The following SYNE1 variants were observed in gnomAD, a reference collection of about 807,000 sequenced individuals.
SYNE1 encodes the protein nesprin-1.
SYNE1 carries 616 observed loss-of-function variants against 1,111.0 expected under a neutral mutation model. The observed-to-expected ratio is 0.55, with a 90% confidence interval of 0.52 to 0.59. The LOEUF (loss-of-function observed/expected upper bound fraction) is 0.59, where lower values mean the gene tolerates loss of function less well. SYNE1 is among the 20% of genes least tolerant of loss of function. The probability of loss-of-function intolerance (pLI) is 0.00; values close to 1 mark genes in which losing one functional copy is unlikely to be tolerated. For synonymous variants in SYNE1, 3,855 were observed against 3,825.8 expected (o/e 1.01, Z -0.28); for missense variants, 10,006 against 10,417.0 (o/e 0.96, Z 1.72).
Position 152,358,402 on chromosome 6 carries a change from T to G in SYNE1, c.10579A>C (p.Thr3527Pro), listed in dbSNP as rs2096876039. 1 of 1,614,084 alleles carries G rather than the reference T, an allele frequency of 6.2e-7. No homozygotes were observed. Among genetic ancestry groups the G allele is most frequent in the African/African-American group, 1.3e-5 (1 of 74,926 alleles). ...QYSVLEGDAH[T>P]HETTLRDLQE... is the part of the protein sequence containing the mutation. ...AGATCACGCAATGTTGTCTCATGAGTGTGGGCATCACCTTCAAGAACTGAA... is the reference window on the plus strand; with the variant it reads ...AGATCACGCAATGTTGTCTCATGAGGGTGGGCATCACCTTCAAGAACTGAA... The change falls in exon 66 of 146, where the codon ACT becomes CCT. Residue 3527 changes from threonine to proline, a missense_variant. Thr to Pro is a conservative substitution (Grantham distance 38). This residue lies in a region of SYNE1 where 4,955 missense variants were observed against 5,017.2 expected (regional missense o/e 0.99). Coordinates refer to ENST00000367255, the MANE Select transcript of SYNE1 (RefSeq NM_182961.4).
intron 84 of SYNE1, 129 bp from the exon 85 acceptor site, chr6:152,319,144 C>A: frequency 7.7e-7 from 1 of 1,296,048 alleles, no homozygotes. Context: ...GTCACACCAG[C>A]GATGTGCGAT....
intron 135 of SYNE1, 67 bp downstream of exon 135, chr6:152,151,486 A>G: frequency 1.2e-6 from 2 of 1,600,314 alleles, no homozygotes; most frequent in South Asian, 1.1e-5. Context: ...GTTCTTCACA[A>G]AAGAGCCACA....
In SYNE1 at chr6:152,227,561, G is replaced by A. The variant is rs867809295; in HGVS notation, c.21196-1685C>T. Among the ~76,000 whole-genome samples the A allele has an allele frequency of 2.0e-5, 3 of 152,224 alleles. No individual in the cohort carries two copies. In the East Asian group the frequency reaches 5.8e-4, roughly 29 times the overall value. ...AATATAGTGATTGCTGGGGTTACAG[G>A]TCCTTTGTGTAGTATAGGAAATATA... On this transcript the variant is annotated intron_variant, in intron 115 of 145. Transcript: ENST00000367255.
intron 119 of SYNE1, among the ~76,000 whole-genome samples, chr6:152,219,799 C>T (rs144890964): frequency 1.3e-5 from 2 of 152,288 alleles, no homozygotes; most frequent in Non-Finnish European, 2.9e-5. Context: ...TCTTTGCCTC[C>T]ACTTTCTGTG....
intron 117 of SYNE1, among the ~76,000 whole-genome samples, chr6:152,222,566 T>C (rs1169037535): frequency 6.6e-6 from 1 of 152,252 alleles, no homozygotes; most frequent in East Asian, 1.9e-4. Context: ...TAATTGTATG[T>C]ATTTGTAGGG....
intron 97 of SYNE1, among the ~76,000 whole-genome samples, chr6:152,280,543 C>A (rs1269615786): frequency 6.6e-6 from 1 of 151,968 alleles, no homozygotes; most frequent in Non-Finnish European, 1.5e-5. Flanking sequence ...AGATTGAACA[C>A]CCCTGTCTTA....
Position 152,208,033 on chromosome 6 carries a change from C to T in SYNE1, c.22763G>A (p.Ser7588Asn). The change falls in exon 125 of 146, where the codon AGT becomes AAT. Residue 7588 changes from serine to asparagine, a missense_variant. By Grantham distance (46) the Ser-to-Asn change is conservative (BLOSUM62 1). Transcript: ENST00000367255. Reference protein sequence around the residue: ...WLVEVSYLPMSGLGSVPIPLQ... With the variant: ...WLVEVSYLPMNGLGSVPIPLQ... ...TGGTATAGGAACACTTCCGAGACCA[C>T]TCATGGGGAGGTAGGACACTTCAAC... is the stretch of plus-strand genomic sequence containing the variant. 1 of 1,614,154 alleles carries T rather than the reference C, an allele frequency of 6.2e-7. No individual in the cohort carries two copies. Among genetic ancestry groups the T allele is most frequent in the Non-Finnish European group, 8.5e-7 (1 of 1,180,028 alleles).
At chr6:152,271,422 G>A (rs1197801093) in intron 98 of SYNE1, among the ~76,000 whole-genome samples, 1 of 152,140 alleles carries the variant, frequency 6.6e-6, no homozygotes, top group African/African-American at 2.4e-5. Context: ...AGATGATCCA[G>A]CCAGAGATTG....
In SYNE1 at chr6:152,412,692, C is replaced by T. The variant is rs558328986; in HGVS notation, c.6230+660G>A. Among the ~76,000 whole-genome samples the T allele has an allele frequency of 7.9e-5, 12 of 151,832 alleles. No homozygotes were observed. The South Asian group carries it at 1.5e-3, about 18-fold the overall frequency. The stretch of plus-strand genomic sequence containing the variant: ...AAGTTTGTCAAAACTGATAGCATTG[C>T]GTATGAAAAAAAGTAAATTTTAGTG... On this transcript the variant is annotated intron_variant, in intron 42 of 145. Transcript: ENST00000367255.
intron 41 of SYNE1, 125 bp from the exon 42 acceptor site, chr6:152,413,656 GAAATT>G (rs1392388098): frequency 7.4e-6 from 7 of 951,334 alleles, no homozygotes; most frequent in East Asian, 5.3e-5. Context: ...TTTTAACACA[GAAATT>G]AAATTAATGT....
intron 144 of SYNE1, among the ~76,000 whole-genome samples, chr6:152,131,905 G>A (rs1052908339): frequency 2.0e-5 from 3 of 152,184 alleles, no homozygotes; most frequent in East Asian, 1.9e-4. Context: ...CCAGCCACAC[G>A]TTGAGTCCTG....
chr6:152,528,232 G>A (rs988020138), intron 4 of SYNE1, among the ~76,000 whole-genome samples: 11 of 151,952 alleles, frequency 7.2e-5, no homozygotes, highest in Non-Finnish European at 1.2e-4. Context: ...CCAGGTAAGC[G>A]ACCTCTCCTA....
At chr6:152,470,921 A>T (rs2098802016) in intron 16 of SYNE1, among the ~76,000 whole-genome samples, 1 of 152,230 alleles carries the variant, frequency 6.6e-6, no homozygotes, top group East Asian at 1.9e-4. Flanking sequence ...TATCTATAAT[A>T]CACTAATTAC....
chr6:152,289,627 T>C (rs2094485819), intron 95 of SYNE1, among the ~76,000 whole-genome samples: 2 of 152,198 alleles, frequency 1.3e-5, no homozygotes, highest in Non-Finnish European at 1.5e-5. Context: ...ATTTTATTTA[T>C]TTATTTATTT....
At chr6:152,597,961 A>G (rs2099586501) in intron 3 of SYNE1, among the ~76,000 whole-genome samples, 1 of 152,182 alleles carries the variant, frequency 6.6e-6, no homozygotes, top group East Asian at 1.9e-4. Flanking sequence ...CTAATTTAGT[A>G]TCAGTATCAC....
chr6:152,303,783 T>G (rs561752998), intron 91 of SYNE1, among the ~76,000 whole-genome samples: 1 of 152,200 alleles, frequency 6.6e-6, no homozygotes, highest in Non-Finnish European at 1.5e-5. Flanking sequence ...AAGATCAACA[T>G]GCAGAGATGC....
intron 145 of SYNE1, among the ~76,000 whole-genome samples, chr6:152,122,905 GTAAT>G (rs2051839643): frequency 6.6e-6 from 1 of 152,156 alleles, no homozygotes; most frequent in African/African-American, 2.4e-5. Flanking sequence ...CTAAACGTAA[GTAAT>G]TAGGTTCAAA....
At chr6:152,345,084 T>C (rs1464430522) in intron 73 of SYNE1, among the ~76,000 whole-genome samples, 1 of 152,214 alleles carries the variant, frequency 6.6e-6, no homozygotes, top group Non-Finnish European at 1.5e-5. Context: ...TTTATTCTTA[T>C]TCCAAGCAGA....
chr6:152,256,566 G>C, intron 102 of SYNE1, 68 bp downstream of exon 102: 2 of 1,603,052 alleles, frequency 1.2e-6, no homozygotes, highest in South Asian at 2.2e-5. Context: ...ACAGAGGCCA[G>C]GCAAATCAAT....
Sources: allele counts gnomAD v4.1 joint callset (sites outside exome capture counted in the v4.1 genomes callset), GRCh38; gene constraint gnomAD v4.1.1; regional missense constraint gnomAD v4.1.1; transcripts MANE v1.5; gene names NCBI Gene and HGNC (gene_info 2026-07-23, HGNC 2026-07-21).